Variants in DACH1 observed in about 807,000 individuals in gnomAD.
DACH1 encodes the protein dachshund homolog 1.
DACH1 carries 12 observed loss-of-function variants against 54.2 expected under a neutral mutation model. That is an observed-to-expected ratio of 0.22 (90% CI 0.14 to 0.36). The LOEUF (loss-of-function observed/expected upper bound fraction) is 0.36, where lower values mean the gene tolerates loss of function less well. DACH1 is among the 10% of genes least tolerant of loss of function. DACH1 has a pLI of 1.00. For missense variants in DACH1, 805 were observed against 929.8 expected (o/e 0.87, Z 1.75); for synonymous variants, 386 against 366.2 (o/e 1.05, Z -0.62).
intron 1 of DACH1, among the ~76,000 whole-genome samples, chr13:71,808,356 C>T (rs1412580947): frequency 6.6e-6 from 1 of 152,080 alleles, no homozygotes; most frequent in African/African-American, 2.4e-5. Context: ...CAGGATTATC[C>T]ATTTTATGGT....
chr13:71,479,176 C>T lies in DACH1; in HGVS notation c.1863G>A (p.Lys621=), dbSNP rs367754294. Residue 621 remains lysine, a synonymous_variant, in exon 8 of 11, where the codon AAG becomes AAA. Transcript: ENST00000613252. ...TLEKQLAMEQ[K]NRAIVQKRLK... Reference sequence around the variant, plus strand: ...CTGGAAATTTGGAAATACCTCTATTCTTTTGTTCCATAGCCAACTGCTTCT... The same window carrying T: ...CTGGAAATTTGGAAATACCTCTATTTTTTTGTTCCATAGCCAACTGCTTCT... 1.8e-4 allele frequency: 295 copies of T among 1,609,366 alleles called. No individual in the cohort carries two copies. Among genetic ancestry groups the T allele is most frequent in the Non-Finnish European group, 2.4e-4 (278 of 1,178,588 alleles).
intron 1 of DACH1, among the ~76,000 whole-genome samples, chr13:71,823,406 C>T (rs1354225289): frequency 2.0e-5 from 3 of 152,000 alleles, no homozygotes; most frequent in South Asian, 2.1e-4. Context: ...CTTTAGAGAG[C>T]TATCGAGCTA....
intron 1 of DACH1, among the ~76,000 whole-genome samples, chr13:71,777,337 C>A (rs1007663539): frequency 6.6e-6 from 1 of 152,062 alleles, no homozygotes; most frequent in Admixed American, 6.6e-5. Context: ...GTAGCTTGAA[C>A]AGTAAGTCTC....
At chr13:71,538,890 G>A (rs534261580) in intron 6 of DACH1, among the ~76,000 whole-genome samples, 15 of 151,982 alleles carry the variant, frequency 9.9e-5, no homozygotes, top group Admixed American at 2.0e-4. Context: ...CTTTTAAAAA[G>A]AGGAAATAAC....
At chr13:71,599,620 A>G (rs1874350587) in intron 3 of DACH1, among the ~76,000 whole-genome samples, 1 of 152,114 alleles carries the variant, frequency 6.6e-6, no homozygotes, top group African/African-American at 2.4e-5. Flanking sequence ...ATATGCACAT[A>G]ATAAAATTGA....
intron 6 of DACH1, among the ~76,000 whole-genome samples, chr13:71,501,844 T>A (rs942472054): frequency 2.0e-5 from 3 of 152,192 alleles, no homozygotes; most frequent in Non-Finnish European, 4.4e-5. Context: ...TTGCATGCAC[T>A]GGCTCATTTA....
At chr13:71,462,985 G>A (rs1876232155) in intron 10 of DACH1, among the ~76,000 whole-genome samples, 1 of 151,804 alleles carries the variant, frequency 6.6e-6, no homozygotes, top group African/African-American at 2.4e-5. Flanking sequence ...CAAAGTAGAT[G>A]TCTTTGCCAT....
rs191641300 is a variant in DACH1 at position 71,626,756 on chromosome 13, A to G, written c.1126+3800T>C. Among the ~76,000 whole-genome samples, 37 of 152,126 alleles carry G rather than the reference A, an allele frequency of 2.4e-4. No individual in the cohort carries two copies. The East Asian group carries it at 5.8e-3, about 24-fold the overall frequency. On this transcript the variant is annotated intron_variant, in intron 3 of 10. Coordinates refer to ENST00000613252, the MANE Select transcript of DACH1 (RefSeq NM_080759.6). ...TCTCAGCATCTATTTCTATGGCCAA[A>G]TGAAGCATTAATTCAAATCATAAAT... is the stretch of plus-strand genomic sequence containing the variant.
intron 10 of DACH1, chr13:71,464,753 TGGC>T (rs1188823578): frequency 1.1e-5 from 5 of 453,626 alleles, no homozygotes; most frequent in Non-Finnish European, 2.2e-5. Context: ...TTATCTTTCT[TGGC>T]GGGTCACTTA....
chr13:71,531,923 T>C (rs971465188), intron 6 of DACH1, among the ~76,000 whole-genome samples: 7 of 150,512 alleles, frequency 4.7e-5, no homozygotes, highest in African/African-American at 1.2e-4. Flanking sequence ...AATAATCACA[T>C]ATATATGTGT....
chr13:71,607,786 T>C (rs1427663246), intron 3 of DACH1, among the ~76,000 whole-genome samples: 1 of 152,050 alleles, frequency 6.6e-6, no homozygotes, highest in Non-Finnish European at 1.5e-5. Context: ...GTTTAAAACG[T>C]GATAAATTGA....
intron 2 of DACH1, among the ~76,000 whole-genome samples, chr13:71,636,874 T>A (rs529773439): frequency 6.6e-6 from 1 of 152,306 alleles, no homozygotes; most frequent in African/African-American, 2.4e-5. Flanking sequence ...CATATTACTA[T>A]CTGAATTATG....
At chr13:71,612,569 G>A (rs968742511) in intron 3 of DACH1, among the ~76,000 whole-genome samples, 8 of 152,014 alleles carry the variant, frequency 5.3e-5, no homozygotes, top group Non-Finnish European at 1.0e-4. Flanking sequence ...TTCATTACAC[G>A]ACCTTAAAAG....
intron 4 of DACH1, among the ~76,000 whole-genome samples, chr13:71,567,159 C>T (rs140253975): frequency 7.2e-5 from 11 of 152,002 alleles, no homozygotes; most frequent in South Asian, 2.1e-4. Context: ...TGCACAGACA[C>T]ACACAGAGAC....
chr13:71,830,822 A>G (rs1429148007), intron 1 of DACH1, among the ~76,000 whole-genome samples: 1 of 151,844 alleles, frequency 6.6e-6, no homozygotes, highest in Non-Finnish European at 1.5e-5. Flanking sequence ...GAACCATAAC[A>G]TAAAGTATAT....
At chr13:71,795,054 CTGAG>C (rs1254566734) in intron 1 of DACH1, among the ~76,000 whole-genome samples, 1 of 152,006 alleles carries the variant, frequency 6.6e-6, no homozygotes, top group African/African-American at 2.4e-5. Flanking sequence ...TTTTATGTTA[CTGAG>C]TAACATAAAT....
chr13:71,775,287 A>T (rs188625897), intron 1 of DACH1, among the ~76,000 whole-genome samples: 1 of 152,018 alleles, frequency 6.6e-6, no homozygotes, highest in East Asian at 1.9e-4. Context: ...CCTGGGCAAC[A>T]GGGCAAGTCT....
chr13:71,742,898 C>T (rs1884456850), intron 1 of DACH1, among the ~76,000 whole-genome samples: 1 of 152,116 alleles, frequency 6.6e-6, no homozygotes, highest in African/African-American at 2.4e-5. Flanking sequence ...AATTTTTATT[C>T]CATGTGCTAT....
intron 1 of DACH1, among the ~76,000 whole-genome samples, chr13:71,691,053 C>A (rs1378103482): frequency 6.6e-6 from 1 of 152,182 alleles, no homozygotes; most frequent in East Asian, 1.9e-4. Flanking sequence ...TTACTATTGG[C>A]TATATTTTGT....
Sources: allele counts gnomAD v4.1 joint callset (sites outside exome capture counted in the v4.1 genomes callset), GRCh38; gene constraint gnomAD v4.1.1; transcripts MANE v1.5; gene names NCBI Gene and HGNC (gene_info 2026-07-23, HGNC 2026-07-21).